Variants in MTCL2 observed in about 807,000 individuals in gnomAD.
The protein encoded by MTCL2 is microtubule cross-linking factor 2.
At chr20:36,783,754 AG>A in the MTCL2 span, 2 of 985,326 alleles carry the variant, frequency 2.0e-6, no homozygotes, top group Non-Finnish European at 1.2e-6. Flanking sequence ...AGGCATTTGA[AG>A]AAACCAACAA....
the MTCL2 span, among the ~76,000 whole-genome samples, chr20:36,824,205 ACTAACACAGAAT>A: frequency 2.6e-5 from 4 of 152,212 alleles, no homozygotes; most frequent in Non-Finnish European, 5.9e-5. Flanking sequence ...ACACAAGAGA[ACTAACACAGAAT>A]CTCAGAAACG....
At chr20:36,834,339 G>T in the MTCL2 span, among the ~76,000 whole-genome samples, 149,106 of 152,068 alleles carry the variant, frequency 0.98, 73,158 homozygotes, top group Middle Eastern at 1. Context: ...ACCTAGGAAT[G>T]AAACCCAAAG....
At chr20:36,810,776 T>G in the MTCL2 span, among the ~76,000 whole-genome samples, 8 of 145,972 alleles carry the variant, frequency 5.5e-5, no homozygotes, top group Non-Finnish European at 1.0e-4. Context: ...TCGCCAGCTT[T>G]GAGCGTGATC....
chr20:36,843,289 C>T, the MTCL2 span, among the ~76,000 whole-genome samples: 5 of 152,288 alleles, frequency 3.3e-5, no homozygotes, highest in East Asian at 1.9e-4. Flanking sequence ...GGGTTGCCAG[C>T]GCCCCCTGAG....
chr20:36,829,016 GC>G, the MTCL2 span: 1 of 1,508,034 alleles, frequency 6.6e-7, no homozygotes. Context: ...GTGCCCACCT[GC>G]CCTAGGCTGG....
chr20:36,861,686 C>G, the MTCL2 span, among the ~76,000 whole-genome samples: 1 of 152,228 alleles, frequency 6.6e-6, no homozygotes, highest in African/African-American at 2.4e-5. Context: ...CAAAACCGTG[C>G]CCAGCCAGCG....
chr20:36,858,953 G>T, the MTCL2 span, among the ~76,000 whole-genome samples: 35 of 152,190 alleles, frequency 2.3e-4, no homozygotes, highest in Admixed American at 2.2e-3. Flanking sequence ...ACCACGCCTG[G>T]GTAATTTTTG....
chr20:36,818,177 C>T, the MTCL2 span, among the ~76,000 whole-genome samples: 1 of 152,248 alleles, frequency 6.6e-6, no homozygotes, highest in South Asian at 2.1e-4. Context: ...GGAGACTCTT[C>T]CATAAACCTC....
chr20:36,791,654 A>G, the MTCL2 span, among the ~76,000 whole-genome samples: 2 of 152,258 alleles, frequency 1.3e-5, no homozygotes, highest in South Asian at 4.1e-4. Context: ...AGAAATGTGG[A>G]ATTGGGAGAC....
the MTCL2 span, among the ~76,000 whole-genome samples, chr20:36,861,561 T>G: frequency 8.4e-6 from 1 of 119,352 alleles, no homozygotes; most frequent in African/African-American, 3.0e-5. Flanking sequence ...AAAACCTAAG[T>G]GCTGAGGGCA....
the MTCL2 span, among the ~76,000 whole-genome samples, chr20:36,796,473 C>A: frequency 6.6e-6 from 1 of 152,206 alleles, no homozygotes; most frequent in Admixed American, 6.5e-5. Context: ...GTGGGGGTCT[C>A]CTTGGCCATA....
At chr20:36,793,532 C>T in the MTCL2 span, 4 of 1,551,670 alleles carry the variant, frequency 2.6e-6, no homozygotes, top group South Asian at 2.4e-5. The surrounding 1 kb of genome is among the most constrained non-coding windows in gnomAD (Gnocchi z 6.8). Context: ...GGGCTTGGCC[C>T]GCGTCTCAGA....
chr20:36,827,393 T>G, the MTCL2 span, among the ~76,000 whole-genome samples: 1 of 131,886 alleles, frequency 7.6e-6, no homozygotes, highest in African/African-American at 2.9e-5. Flanking sequence ...AGATAGGGTC[T>G]CACTCTGTCT....
At chr20:36,829,381 A>G in the MTCL2 span, among the ~76,000 whole-genome samples, 6 of 152,246 alleles carry the variant, frequency 3.9e-5, no homozygotes, top group East Asian at 1.2e-3. Flanking sequence ...AGAGACCAAG[A>G]AACTCATGAA....
At chr20:36,825,816 G>A in the MTCL2 span, among the ~76,000 whole-genome samples, 113 of 152,232 alleles carry the variant, frequency 7.4e-4, no homozygotes, top group South Asian at 1.2e-3. Flanking sequence ...ACAGGCTCCC[G>A]CCTCCTGTGC....
chr20:36,790,811 G>A, the MTCL2 span, among the ~76,000 whole-genome samples: 1 of 150,526 alleles, frequency 6.6e-6, no homozygotes, highest in Non-Finnish European at 1.5e-5. Context: ...CCTAGCTCAA[G>A]TGATCTGCCC....
At chr20:36,785,873 C>T in the MTCL2 span, 1 of 985,942 alleles carries the variant, frequency 1.0e-6, no homozygotes, top group Non-Finnish European at 1.2e-6. Flanking sequence ...GGACACTAAG[C>T]AATGGCCCTG....
At chr20:36,845,254 C>G in the MTCL2 span, among the ~76,000 whole-genome samples, 531 of 152,318 alleles carry the variant, frequency 3.5e-3, 2 homozygotes, top group Non-Finnish European at 4.1e-3. Flanking sequence ...TATTTCCCCC[C>G]CTAAAAGGGC....
At chr20:36,858,627 T>A in the MTCL2 span, among the ~76,000 whole-genome samples, 5 of 152,230 alleles carry the variant, frequency 3.3e-5, no homozygotes, top group East Asian at 9.6e-4. Flanking sequence ...TCCCAGTTCC[T>A]CCAAGAATGA....
Sources: allele counts gnomAD v4.1 joint callset (sites outside exome capture counted in the v4.1 genomes callset), GRCh38; gene constraint gnomAD v4.1.1; non-coding constraint Gnocchi (gnomAD v3.1); transcripts MANE v1.5; gene names NCBI Gene and HGNC (gene_info 2026-07-23, HGNC 2026-07-21).